ANXA8: variants seen among roughly 807,000 people sequenced by gnomAD.
ANXA8 encodes the protein VAC-beta.
Under a neutral mutation model 26.8 loss-of-function variants are expected in ANXA8, and 9 were observed. The observed-to-expected ratio is 0.34, with a 90% confidence interval of 0.20 to 0.59. The LOEUF is 0.59. Among genes scored for constraint, ANXA8 ranks in the 20% least tolerant of loss-of-function variants. The probability of loss-of-function intolerance (pLI) is 0.84; values close to 1 mark genes in which losing one functional copy is unlikely to be tolerated. For synonymous variants in ANXA8, 39 were observed against 94.8 expected (o/e 0.41, Z 3.42); for missense variants, 83 against 238.5 (o/e 0.35, Z 4.29).
At chr10:47,937,500 T>G in the ANXA8 span, among the ~76,000 whole-genome samples, 30 of 146,460 alleles carry the variant, frequency 2.0e-4, 1 homozygote, top group Non-Finnish European at 4.3e-4. Flanking sequence ...AGGGTACATG[T>G]GCAGGTTTGT....
the ANXA8 span, among the ~76,000 whole-genome samples, chr10:47,768,239 C>G: frequency 2.4e-4 from 37 of 151,566 alleles, no homozygotes; most frequent in Non-Finnish European, 4.1e-4. Context: ...ATGGCTCACT[C>G]CTGCCCCTCC....
the ANXA8 span, among the ~76,000 whole-genome samples, chr10:47,938,656 C>A: frequency 6.9e-6 from 1 of 143,896 alleles, no homozygotes; most frequent in African/African-American, 2.8e-5. Context: ...ACCTGTCTCC[C>A]AGTGTCAGGC....
the ANXA8 span, among the ~76,000 whole-genome samples, chr10:47,639,356 A>C: frequency 7.5e-6 from 1 of 133,780 alleles, no homozygotes; most frequent in African/African-American, 2.9e-5. Flanking sequence ...TCTTTCGCCC[A>C]GGCCGGAGTG....
the ANXA8 span, chr10:47,710,623 ATGTTAACAG>A: frequency 4.4e-6 from 6 of 1,362,182 alleles, no homozygotes; most frequent in Non-Finnish European, 6.2e-6. Flanking sequence ...GAAAAAAGTT[ATGTTAACAG>A]TGGAACAGGC....
chr10:47,503,621 C>T, the ANXA8 span: 1 of 1,326,574 alleles, frequency 7.5e-7, no homozygotes, highest in East Asian at 2.5e-5. Context: ...TCACAATTAC[C>T]TTTTAAAAAG....
At chr10:47,648,977 A>G in the ANXA8 span, among the ~76,000 whole-genome samples, 1 of 88,186 alleles carries the variant, frequency 1.1e-5, no homozygotes, top group Non-Finnish European at 2.1e-5. Flanking sequence ...TAAGATTAAT[A>G]TATCTAATAC....
At chr10:47,658,232 G>A in the ANXA8 span, among the ~76,000 whole-genome samples, 4 of 151,638 alleles carry the variant, frequency 2.6e-5, no homozygotes, top group African/African-American at 9.8e-5. Context: ...GCTAGCCATG[G>A]TGGCACGCAC....
the ANXA8 span, among the ~76,000 whole-genome samples, chr10:47,693,448 C>T: frequency 0.023 from 3,505 of 151,352 alleles, 92 homozygotes; most frequent in African/African-American, 0.08. Flanking sequence ...TGCCACCGCG[C>T]GCGGCTAATT....
rs1588934473 is a variant in ANXA8, at chr10:47,484,029, T to C, written c.-96A>G. ...ACGTCTGGCTCCTGCAGCTGAGGAG[T>C]GAGCAGGCCGCTCACTTGGGTGTGG... On this transcript the variant is annotated 5_prime_UTR_variant, in exon 1 of 12. Transcript: ENST00000585281. 3 of 1,611,286 alleles carry C rather than the reference T, an allele frequency of 1.9e-6. No homozygotes were observed.
At chr10:47,747,903 G>A in the ANXA8 span, among the ~76,000 whole-genome samples, 6 of 151,770 alleles carry the variant, frequency 4.0e-5, no homozygotes, top group African/African-American at 1.5e-4. Context: ...CTTAGCATAT[G>A]GGTTAACTAC....
the ANXA8 span, among the ~76,000 whole-genome samples, chr10:47,732,739 T>C: frequency 6.7e-6 from 1 of 148,748 alleles, no homozygotes; most frequent in Non-Finnish European, 1.5e-5. Flanking sequence ...TTTTTTTTTT[T>C]GGTTGGGGGA....
At chr10:47,777,413 G>A in the ANXA8 span, among the ~76,000 whole-genome samples, 3 of 152,060 alleles carry the variant, frequency 2.0e-5, no homozygotes, top group South Asian at 2.1e-4. Context: ...TTGGCCTCCC[G>A]AAGTGCTGGG....
chr10:47,936,858 A>C, the ANXA8 span, among the ~76,000 whole-genome samples: 8 of 151,950 alleles, frequency 5.3e-5, no homozygotes, highest in Non-Finnish European at 1.2e-4. Flanking sequence ...ATCTCTGTGG[A>C]TTTTCCCTGA....
the ANXA8 span, among the ~76,000 whole-genome samples, chr10:47,653,995 G>A: frequency 1.0e-3 from 151 of 151,052 alleles, 1 homozygote; most frequent in Admixed American, 2.1e-3. Flanking sequence ...TAGGGATAGA[G>A]TATGGGAAAT....
the ANXA8 span, among the ~76,000 whole-genome samples, chr10:47,562,184 T>A: frequency 6.6e-6 from 1 of 151,744 alleles, no homozygotes; most frequent in Non-Finnish European, 1.5e-5. Flanking sequence ...ATAAATACAT[T>A]CTCTTAAAAT....
chr10:47,593,371 A>T, the ANXA8 span, among the ~76,000 whole-genome samples: 1 of 149,756 alleles, frequency 6.7e-6, no homozygotes, highest in Non-Finnish European at 1.5e-5. Flanking sequence ...TGGAGAAGGA[A>T]TTATGTCTCG....
the ANXA8 span, among the ~76,000 whole-genome samples, chr10:47,504,829 A>C: frequency 7.2e-6 from 1 of 138,564 alleles, no homozygotes; most frequent in South Asian, 2.5e-4. Context: ...CAGAAGGCCT[A>C]AGAGGTCATA....
the ANXA8 span, among the ~76,000 whole-genome samples, chr10:47,680,332 T>C: frequency 2.0e-5 from 3 of 152,014 alleles, no homozygotes; most frequent in Middle Eastern, 3.4e-3. Context: ...AACATGGATA[T>C]GTATCAAAAC....
the ANXA8 span, among the ~76,000 whole-genome samples, chr10:47,587,212 A>T: frequency 9.3e-4 from 137 of 147,270 alleles, 1 homozygote; most frequent in Middle Eastern, 3.5e-3. Flanking sequence ...TCAAAAAAAA[A>T]AAAAATAAAA....
Sources: gnomAD v4.1 joint callset for allele counts (sites outside exome capture counted in the v4.1 genomes callset) on GRCh38, gnomAD v4.1.1 for gene constraint, MANE v1.5 for transcripts, NCBI Gene and HGNC (gene_info 2026-07-23, HGNC 2026-07-21) for gene names.